Variants in LYZL1 observed in about 807,000 individuals in gnomAD.
LYZL1 encodes lysozyme-like protein 1.
LYZL1 carries 16 observed loss-of-function variants against 17.9 expected under a neutral mutation model. The ratio of observed to expected loss-of-function variants is 0.90; its 90% CI spans 0.61 to 1.36. LYZL1 has a LOEUF of 1.36. Ranked by LOEUF, LYZL1 falls within the 40% of genes most tolerant of loss-of-function variation. LYZL1 has a pLI of 0.00. For missense variants in LYZL1, 149 were observed against 188.4 expected, an observed-to-expected ratio of 0.79 and a Z score of 1.22; for synonymous variants, 58 against 71.8, an observed-to-expected ratio of 0.81 and a Z score of 0.97.
At chr10:29,306,547 CTCAA>C (rs1418340227) in intron 3 of LYZL1, among the ~76,000 whole-genome samples, 1 of 42,658 alleles carries the variant, frequency 2.3e-5, no homozygotes, top group Non-Finnish European at 3.7e-5. Context: ...GAGACTCCGT[CTCAA>C]AAAAAAAAAA....
At chr10:29,307,774 CTAGAG>C (rs1835615423) in intron 3 of LYZL1, among the ~76,000 whole-genome samples, 2 of 152,076 alleles carry the variant, frequency 1.3e-5, no homozygotes. Context: ...GTAAATAAAA[CTAGAG>C]TAAACCACTT....
At chr10:29,295,819 G>A (rs1201134888) in intron 3 of LYZL1, among the ~76,000 whole-genome samples, 1 of 152,132 alleles carries the variant, frequency 6.6e-6, no homozygotes, top group East Asian at 1.9e-4. Context: ...ATGGAGTAAG[G>A]GGCCATGAGT....
downstream of LYZL1, among the ~76,000 whole-genome samples, chr10:29,313,238 T>A (rs145129210): frequency 6.6e-6 from 1 of 152,364 alleles, no homozygotes; most frequent in Non-Finnish European, 1.5e-5. Context: ...AGTAATTTTA[T>A]AAGATAGCTG....
chr10:29,298,379 G>C (rs2368431), intron 3 of LYZL1, among the ~76,000 whole-genome samples: 112,070 of 152,060 alleles, frequency 0.74, 41,453 homozygotes, highest in East Asian at 0.9. Flanking sequence ...ATATGTATAT[G>C]CCAACCTCAG....
downstream of LYZL1, among the ~76,000 whole-genome samples, chr10:29,313,755 A>T (rs1262098513): frequency 4.6e-5 from 7 of 152,248 alleles, no homozygotes; most frequent in Admixed American, 4.6e-4. Context: ...ACAAAAGCAT[A>T]TTTCAGAAAA....
chr10:29,306,366 C>T (rs937468128), intron 3 of LYZL1, among the ~76,000 whole-genome samples: 1 of 139,168 alleles, frequency 7.2e-6, no homozygotes, highest in Non-Finnish European at 1.6e-5. Context: ...CCGGCTAAAA[C>T]GGTGAAACCC....
chr10:29,315,126 A>G (rs542660173), downstream of LYZL1, among the ~76,000 whole-genome samples: 1 of 152,382 alleles, frequency 6.6e-6, no homozygotes, highest in Non-Finnish European at 1.5e-5. Context: ...TCTCCAAAAT[A>G]GAAGGAAAAT....
At chr10:29,315,564 T>C (rs1380688092), downstream of LYZL1, among the ~76,000 whole-genome samples, 2 of 151,220 alleles carry the variant, frequency 1.3e-5, no homozygotes, top group Non-Finnish European at 2.9e-5. Context: ...AAATAAAAAG[T>C]TTAAGGGCTC....
Position 29,292,519 on chromosome 10 carries a change from G to A in LYZL1, c.140G>A (p.Trp47Ter). The part of the protein sequence containing the change: ...DNYWGFSLGN[W>*]ICMAYYESGY... ...GCGTTTCTGGCTTTCCCCCCTCCAG[G>A]GATCTGCATGGCATATTATGAGAGC... Residue 47 changes from tryptophan to a stop codon, truncating the protein, a stop_gained and splice_region_variant, in exon 3 of 5, where the codon TGG becomes TAG. Transcript: ENST00000649382. LOFTEE classifies it high-confidence loss of function. 6.2e-7 allele frequency: 1 copy of A among 1,613,056 alleles called. No homozygotes were observed. Among genetic ancestry groups the A allele is most frequent in the Non-Finnish European group, 8.5e-7 (1 of 1,179,670 alleles).
At chr10:29,292,962 A>C (rs1835394415) in intron 3 of LYZL1, among the ~76,000 whole-genome samples, 1 of 152,084 alleles carries the variant, frequency 6.6e-6, no homozygotes, top group Non-Finnish European at 1.5e-5. Flanking sequence ...GAGATATTTG[A>C]TGTCTTCAGT....
intron 4 of LYZL1, chr10:29,317,537 A>T (rs1037894543): frequency 6.6e-6 from 1 of 152,228 alleles, no homozygotes; most frequent in Non-Finnish European, 1.5e-5. Context: ...GTCCCTGGTG[A>T]TGGAGCAAAG....
chr10:29,304,955 G>A (rs1021713082), intron 3 of LYZL1, among the ~76,000 whole-genome samples: 1 of 152,122 alleles, frequency 6.6e-6, no homozygotes. Context: ...TGGCCCCACC[G>A]TCCCAGAAAT....
At chr10:29,298,884 G>A (rs560314886) in intron 3 of LYZL1, among the ~76,000 whole-genome samples, 21 of 152,194 alleles carry the variant, frequency 1.4e-4, no homozygotes, top group Middle Eastern at 3.4e-3. Flanking sequence ...TGATTCAAGC[G>A]CATTACACTT....
chr10:29,306,549 C>CAAAAAAAAAAAA (rs58001118), intron 3 of LYZL1, among the ~76,000 whole-genome samples: 29 of 48,806 alleles, frequency 5.9e-4, no homozygotes, highest in East Asian at 9.8e-4. Flanking sequence ...GACTCCGTCT[C>CAAAAAAAAAAAA]AAAAAAAAAA....
At position 29,310,165 on chromosome 10, in the gene LYZL1, A is replaced by G; in HGVS notation, c.354A>G (p.Lys118=). 6.2e-7 allele frequency: 1 copy of G among 1,610,888 alleles called. No homozygotes were observed. Among genetic ancestry groups the G allele is most frequent in the Non-Finnish European group, 8.5e-7 (1 of 1,177,130 alleles). Residue 118 remains lysine, a synonymous_variant, in exon 4 of 5, where the codon AAA becomes AAG. Transcript: ENST00000649382. ...DAIICARKIV[K]ETQGMNYWQG... is the part of the protein sequence containing the mutation. The stretch of plus-strand genomic sequence containing the variant: ...TTATCTGTGCCAGGAAAATTGTTAA[A>G]GAGACACAAGGAATGAACTATTGGT...
intron 2 of LYZL1, 76 bp from the exon 3 acceptor site, chr10:29,292,443 G>A: frequency 1.9e-6 from 3 of 1,568,672 alleles, no homozygotes; most frequent in East Asian, 2.2e-5. Context: ...CAAGGATAAG[G>A]AAACTCGCCC....
At chr10:29,294,838 T>G (rs966061813) in intron 3 of LYZL1, among the ~76,000 whole-genome samples, 1 of 152,206 alleles carries the variant, frequency 6.6e-6, no homozygotes, top group Non-Finnish European at 1.5e-5. Flanking sequence ...TGATTTTTCC[T>G]GTACATAGAT....
At chr10:29,296,818 A>G (rs1301086818) in intron 3 of LYZL1, among the ~76,000 whole-genome samples, 1 of 152,204 alleles carries the variant, frequency 6.6e-6, no homozygotes. Flanking sequence ...AGTGAGATCC[A>G]CAGTTGAAAA....
rs187627062 is a variant in LYZL1, at chr10:29,291,658, A to G, written c.-25-185A>G. 1.4e-4 allele frequency among the ~76,000 whole-genome samples: 22 copies of G among 152,240 alleles called. No individual in the cohort carries two copies. The East Asian group carries it at 3.7e-3, about 25-fold the overall frequency. On this transcript the variant is annotated intron_variant, in intron 1 of 4. Transcript: ENST00000649382. ...CTTGAAAGTTACTGTATGGAAAAGCATTAAGGAAACAGCCTTCAGTTGCCT... is the reference window on the plus strand; with the variant it reads ...CTTGAAAGTTACTGTATGGAAAAGCGTTAAGGAAACAGCCTTCAGTTGCCT...
Sources: allele counts gnomAD v4.1 joint callset (sites outside exome capture counted in the v4.1 genomes callset), GRCh38; gene constraint gnomAD v4.1.1; transcripts MANE v1.5; gene names NCBI Gene and HGNC (gene_info 2026-07-23, HGNC 2026-07-21).